FAM135A: variants seen among roughly 807,000 people sequenced by gnomAD.
The protein encoded by FAM135A is family with sequence similarity 135 member A.
In FAM135A, 79 loss-of-function variants were observed where a neutral mutation model predicts 146.8. The observed-to-expected ratio is 0.54, with a 90% CI of 0.45 to 0.65. The LOEUF (loss-of-function observed/expected upper bound fraction) is 0.65, where lower values mean the gene tolerates loss of function less well. Among genes scored for constraint, FAM135A ranks in the 30% least tolerant of loss-of-function variants. The probability of loss-of-function intolerance (pLI) is 0.00; values close to 1 mark genes in which losing one functional copy is unlikely to be tolerated. For missense variants in FAM135A, 1,623 were observed against 1,758.2 expected (o/e 0.92, Z 1.38); for synonymous variants, 562 against 603.6 (o/e 0.93, Z 1.01).
At chr6:70,491,410 C>G (rs371941318) in intron 11 of FAM135A, among the ~76,000 whole-genome samples, 14 of 151,984 alleles carry the variant, frequency 9.2e-5, no homozygotes, top group Middle Eastern at 3.4e-3. Flanking sequence ...TAAAATGATA[C>G]TGTTTAAAAA....
intron 5 of FAM135A, among the ~76,000 whole-genome samples, chr6:70,463,894 T>C (rs1475965014): frequency 6.6e-6 from 1 of 152,220 alleles, no homozygotes; most frequent in Non-Finnish European, 1.5e-5. Flanking sequence ...CCTTTAATTG[T>C]CTTTTTACCT....
Position 70,525,347 on chromosome 6 carries a change from T to G in FAM135A, c.2263T>G (p.Leu755Val). The G allele has an allele frequency of 6.2e-7, 1 of 1,613,394 alleles. No homozygotes were observed. The highest frequency in any genetic ancestry group is 8.5e-7 in the Non-Finnish European group (1 of 1,179,612). The part of the protein sequence containing the change: ...HVVVSGDTIK[L>V]PDISATYASS... Reference sequence around the variant, plus strand: ...TGTAGTAAGTGGAGATACAATTAAGTTACCAGATATTAGTGCCACATATGC... The same window carrying G: ...TGTAGTAAGTGGAGATACAATTAAGGTACCAGATATTAGTGCCACATATGC... The change falls in exon 15 of 22, where the codon TTA becomes GTA. Residue 755 changes from leucine (L) to valine (V), a missense_variant. By Grantham distance (32) the Leu-to-Val change is conservative (BLOSUM62 1). Around this residue, in one of 7 missense-constraint regions of FAM135A, gnomAD observed 1,061 missense variants for 1,113.8 expected, o/e 0.95. Transcript: ENST00000418814.
At chr6:70,510,096 T>TA (rs1448429166) in intron 12 of FAM135A, among the ~76,000 whole-genome samples, 3 of 151,964 alleles carry the variant, frequency 2.0e-5, no homozygotes, top group East Asian at 1.9e-4. Context: ...GAATTAATCA[T>TA]AAAAAAATAC....
intron 12 of FAM135A, chr6:70,503,207 T>C (rs1788957882): frequency 6.5e-6 from 1 of 154,366 alleles, no homozygotes; most frequent in South Asian, 2.0e-4. Flanking sequence ...TATTATTAAC[T>C]TAGCAGGATG....
At chr6:70,451,208 C>A (rs1463349363) in intron 4 of FAM135A, among the ~76,000 whole-genome samples, 1 of 152,134 alleles carries the variant, frequency 6.6e-6, no homozygotes, top group Non-Finnish European at 1.5e-5. Flanking sequence ...GAACACTTAA[C>A]TGTGTGTAAA....
At position 70,526,355 on chromosome 6, in the gene FAM135A, G is replaced by T. The variant is rs752352251; in HGVS notation, c.3271G>T (p.Asp1091Tyr). The change falls in exon 15 of 22, where the codon GAT becomes TAT. Residue 1091 changes from aspartate to tyrosine, a missense_variant. Transcript: ENST00000418814. ...TAAAGAGGATGAGGAGGAAGAGCAG[G>T]ATCAACAAATGGTTCAAAATGGGTA... ...QDKEDEEEEQ[D>Y]QQMVQNGYYE... is the part of the protein sequence containing the mutation. The T allele has an allele frequency of 6.2e-7, 1 of 1,613,466 alleles. No individual in the cohort carries two copies.
chr6:70,530,659 A>C (rs1795628673), intron 16 of FAM135A, among the ~76,000 whole-genome samples: 1 of 152,178 alleles, frequency 6.6e-6, no homozygotes, highest in Non-Finnish European at 1.5e-5. Flanking sequence ...AGGCTGAAGC[A>C]GGAGAATCAC....
chr6:70,483,081 G>A (rs1463708560), intron 10 of FAM135A, among the ~76,000 whole-genome samples: 1 of 152,084 alleles, frequency 6.6e-6, no homozygotes, highest in Admixed American at 6.5e-5. Context: ...TCTTGGGTTT[G>A]AGACTAATCA....
chr6:70,461,661 A>G (rs558399305), intron 5 of FAM135A, among the ~76,000 whole-genome samples: 3 of 152,336 alleles, frequency 2.0e-5, no homozygotes, highest in Non-Finnish European at 2.9e-5. Context: ...ACTGAAGAGA[A>G]GAAGAGAACT....
At chr6:70,422,671 A>G (rs1053101897) in intron 2 of FAM135A, among the ~76,000 whole-genome samples, 1 of 152,244 alleles carries the variant, frequency 6.6e-6, no homozygotes, top group Non-Finnish European at 1.5e-5. Context: ...TTGTTCATGC[A>G]TATTTCTGCT....
Position 70,526,253 on chromosome 6 carries a change from G to A in FAM135A, c.3169G>A (p.Val1057Ile). The change falls in exon 15 of 22, where the codon GTT becomes ATT. Residue 1057 changes from valine to isoleucine, a missense_variant. This residue lies in a region of FAM135A where 1,061 missense variants were observed against 1,113.8 expected (regional missense o/e 0.95). Transcript: ENST00000418814. ...TACGGATATTTCTGACACATGTGCT[G>A]TTAGCTACAGCAATGCACTTAGCCC... ...SSTDISDTCA[V>I]SYSNALSPQK... The A allele has an allele frequency of 1.2e-6, 2 of 1,613,500 alleles. No individual in the cohort carries two copies. Among genetic ancestry groups the A allele is most frequent in the African/African-American group, 1.3e-5 (1 of 75,006 alleles).
intron 12 of FAM135A, chr6:70,503,495 C>T (rs1177672570): frequency 6.6e-6 from 1 of 152,012 alleles, no homozygotes; most frequent in Non-Finnish European, 1.5e-5. Context: ...ATAAAACAGG[C>T]ACATTTTATC....
At chr6:70,498,573 G>A (rs1787842581) in intron 11 of FAM135A, among the ~76,000 whole-genome samples, 1 of 152,060 alleles carries the variant, frequency 6.6e-6, no homozygotes, top group Non-Finnish European at 1.5e-5. Context: ...ATGTTACAGT[G>A]TCCATTTTAG....
intron 4 of FAM135A, among the ~76,000 whole-genome samples, chr6:70,434,940 ATTAC>A (rs991176533): frequency 7.9e-5 from 12 of 151,908 alleles, no homozygotes; most frequent in African/African-American, 2.7e-4. Flanking sequence ...TGTAGCTACT[ATTAC>A]TTTTCTTAAT....
chr6:70,488,396 A>G (rs1785142944), intron 10 of FAM135A, among the ~76,000 whole-genome samples: 2 of 151,930 alleles, frequency 1.3e-5, no homozygotes, highest in Non-Finnish European at 1.5e-5. Flanking sequence ...TCATATGTGT[A>G]TATGTATATT....
chr6:70,479,449 G>A (rs568372054), intron 8 of FAM135A, among the ~76,000 whole-genome samples: 5 of 152,176 alleles, frequency 3.3e-5, no homozygotes, highest in African/African-American at 1.2e-4. Context: ...TGAGGTTGCT[G>A]TTCTTTATCT....
At chr6:70,444,501 G>T (rs752030643) in intron 4 of FAM135A, among the ~76,000 whole-genome samples, 1 of 152,068 alleles carries the variant, frequency 6.6e-6, no homozygotes, top group Non-Finnish European at 1.5e-5. Context: ...GGAAGTCAAG[G>T]CTGCAATGAG....
chr6:70,456,728 T>A (rs572540860), intron 5 of FAM135A, among the ~76,000 whole-genome samples: 1 of 152,362 alleles, frequency 6.6e-6, no homozygotes, highest in South Asian at 2.1e-4. Context: ...AGTAGTAAGT[T>A]ACCTTGCCCT....
Position 70,428,398 on chromosome 6 carries a change from A to G in FAM135A, c.56A>G (p.Asn19Ser). Reference sequence around the variant, plus strand: ...TCTGTGGAGCTAAACAAGTTCTACAATGTGGATTTGTTTCAGAGAGGGTAT... The same window carrying G: ...TCTGTGGAGCTAAACAAGTTCTACAGTGTGGATTTGTTTCAGAGAGGGTAT... ...EFSVELNKFY[N>S]VDLFQRGFYQ... is the part of the protein sequence containing the mutation. Residue 19 changes from asparagine (N) to serine (S), a missense_variant, in exon 4 of 22, where the codon AAT becomes AGT. Physicochemically the swap from Asn to Ser is conservative, Grantham distance 46. Coordinates refer to ENST00000418814, the MANE Select transcript of FAM135A (RefSeq NM_001162529.3). The G allele has an allele frequency of 1.2e-6, 2 of 1,604,084 alleles. No individual in the cohort carries two copies. The highest frequency in any genetic ancestry group is 1.7e-6 in the Non-Finnish European group (2 of 1,175,486).
Sources: gnomAD v4.1 joint callset for allele counts (sites outside exome capture counted in the v4.1 genomes callset) on GRCh38, gnomAD v4.1.1 for gene constraint, gnomAD v4.1.1 regional missense constraint, MANE v1.5 for transcripts, NCBI Gene and HGNC (gene_info 2026-07-23, HGNC 2026-07-21) for gene names.